The following C15orf39 variants were observed in gnomAD, a reference collection of about 807,000 sequenced individuals.
C15orf39 encodes PRMT2 interacting protein, also known as uncharacterized protein C15orf39.
Under a neutral mutation model 53.9 loss-of-function variants are expected in C15orf39, and 24 were observed. The ratio of observed to expected loss-of-function variants is 0.45; its 90% confidence interval spans 0.32 to 0.63. C15orf39 has a LOEUF of 0.63. Ranked by LOEUF, C15orf39 falls within the 20% of genes least tolerant of loss-of-function variation. The probability of loss-of-function intolerance (pLI) is 0.04; values close to 1 mark genes in which losing one functional copy is unlikely to be tolerated. For missense variants in C15orf39, 1,271 were observed against 1,347.9 expected, an observed-to-expected ratio of 0.94 and a Z score of 0.89; for synonymous variants, 569 against 576.5, an observed-to-expected ratio of 0.99 and a Z score of 0.19.
chr15:75,211,217 G>T lies in C15orf39; in HGVS notation c.*101G>T. On this transcript the variant is annotated 3_prime_UTR_variant, in exon 3 of 3. Coordinates refer to ENST00000394987, the MANE Select transcript of C15orf39 (RefSeq NM_015492.5). ...ACGAGTGGATGCTGGGGCTGTGGCT[G>T]CTCCCCTGGAGGGGTTCCATCTCTG... is the stretch of plus-strand genomic sequence containing the variant. 1 of 1,470,426 alleles carries T rather than the reference G, an allele frequency of 6.8e-7. No individual in the cohort carries two copies. The highest frequency in any genetic ancestry group is 9.0e-7 in the Non-Finnish European group (1 of 1,105,688). 91.1% of individuals were successfully genotyped at this position (1,470,426 alleles called of 1,614,324 possible).
intron 1 of C15orf39, chr15:75,202,309 T>C (rs1221525646): frequency 6.6e-6 from 1 of 152,268 alleles, no homozygotes; most frequent in African/African-American, 2.4e-5. Flanking sequence ...CTGGTAGCGC[T>C]CTGGGTCTCC....
chr15:75,211,222 C>T lies in C15orf39; in HGVS notation c.*106C>T. 2.8e-6 allele frequency: 4 copies of T among 1,445,154 alleles called. No individual in the cohort carries two copies. Among genetic ancestry groups the T allele is most frequent in the Non-Finnish European group, 3.7e-6 (4 of 1,088,196 alleles). The allele number at this position is 1,445,154 out of a possible 1,614,324, so 89.5% of individuals were successfully genotyped here. A position where few individuals can be genotyped will look rare whatever the true frequency, so the allele number is the denominator to read the frequency against. The stretch of plus-strand genomic sequence containing the variant: ...TGGATGCTGGGGCTGTGGCTGCTCC[C>T]CTGGAGGGGTTCCATCTCTGACCCT... On this transcript the variant is annotated 3_prime_UTR_variant, in exon 3 of 3. Coordinates refer to ENST00000394987, the MANE Select transcript of C15orf39 (RefSeq NM_015492.5).
rs2070435389 is a variant in C15orf39 at position 75,206,103 on chromosome 15, C to A, written c.55C>A (p.Pro19Thr). ...TLGPVMYGKL[P>T]RLETDSGLEH... Reference sequence around the variant, plus strand: ...GGGGCCTGTGATGTATGGCAAGCTGCCCCGCTTAGAGACAGACTCCGGGCT... The same window carrying A: ...GGGGCCTGTGATGTATGGCAAGCTGACCCGCTTAGAGACAGACTCCGGGCT... Residue 19 changes from proline (P) to threonine (T), a missense_variant, in exon 2 of 3, where the codon CCC becomes ACC. This residue lies in a region of C15orf39 where 994 missense variants were observed against 993.7 expected (regional missense o/e 1.00). Transcript: ENST00000394987. 1 of 1,613,396 alleles carries A rather than the reference C, an allele frequency of 6.2e-7. No homozygotes were observed. Among genetic ancestry groups the A allele is most frequent in the African/African-American group, 1.3e-5 (1 of 74,978 alleles).
chr15:75,204,634 C>T (rs756119337), intron 1 of C15orf39, among the ~76,000 whole-genome samples: 1 of 152,164 alleles, frequency 6.6e-6, no homozygotes, highest in African/African-American at 2.4e-5. Flanking sequence ...CAGCCTTCAG[C>T]GTAGCTGGGA....
In C15orf39 at chr15:75,208,245, C is replaced by A. The variant is rs751179222; in HGVS notation, c.2197C>A (p.Gln733Lys). Residue 733 changes from glutamine (Q) to lysine (K), a missense_variant, in exon 2 of 3, where the codon CAG (glutamine) becomes AAG (lysine). Around this residue, in one of 2 missense-constraint regions of C15orf39, gnomAD observed 994 missense variants for 993.7 expected, o/e 1.00. Coordinates refer to ENST00000394987, the MANE Select transcript of C15orf39 (RefSeq NM_015492.5). ...TCCATCCCCTGCTCCGGCTCGAGCT[C>A]AGGCTCCAGCTTCAGCCCGGGATCC... Reference protein sequence around the residue: ...PAPSPAPARAQAPASARDPAP... With the variant: ...PAPSPAPARAKAPASARDPAP... 31 of 1,606,446 alleles carry A rather than the reference C, an allele frequency of 1.9e-5. No individual in the cohort carries two copies. Among genetic ancestry groups the A allele is most frequent in the Admixed American group, 3.4e-5 (2 of 58,456 alleles).
At chr15:75,201,858 C>T (rs1390212826), upstream of C15orf39, 1 of 151,854 alleles carries the variant, frequency 6.6e-6, no homozygotes, top group East Asian at 1.9e-4. This position sits in a 1 kb window ranked among gnomAD's most constrained non-coding sequence, Gnocchi z 4.7. Flanking sequence ...CGCCCCGCCC[C>T]CAGCCCGCCC....
Position 75,207,977 on chromosome 15 carries a change from C to T in C15orf39, c.1929C>T (p.Phe643=). The T allele has an allele frequency of 6.2e-7, 1 of 1,613,990 alleles. No individual in the cohort carries two copies. The highest frequency in any genetic ancestry group is 8.5e-7 in the Non-Finnish European group (1 of 1,180,038). The change falls in exon 2 of 3, where the codon TTC becomes TTT. Residue 643 remains phenylalanine, a synonymous_variant. Coordinates refer to ENST00000394987, the MANE Select transcript of C15orf39 (RefSeq NM_015492.5). ...CAGATGCCATGCCAAGGACCAACTT[C>T]CACAGCTCTGTGGCCTTCATGTTCC... The part of the protein sequence containing the change: ...VTTDAMPRTN[F]HSSVAFMFRK...
intron 1 of C15orf39, among the ~76,000 whole-genome samples, chr15:75,205,000 G>A (rs1430070444): frequency 6.6e-6 from 1 of 152,148 alleles, no homozygotes. Flanking sequence ...GGAGTGGGGC[G>A]AGAGGGGTGT....
rs2070461070 is a variant in C15orf39, at chr15:75,208,686, G to A, written c.2638G>A (p.Glu880Lys). Reference protein sequence around the residue: ...RVELRPTTLSEERALRELALP... With the variant: ...RVELRPTTLSKERALRELALP... ...GGAGCTGCGGCCCACCACGCTGTCG[G>A]AGGAGCGGGCACTGCGGGAGCTCGC... Residue 880 changes from glutamate to lysine, a missense_variant, in exon 2 of 3, where the codon GAG becomes AAG. Physicochemically the swap from Glu to Lys is moderately conservative, Grantham distance 56. Coordinates refer to ENST00000394987, the MANE Select transcript of C15orf39 (RefSeq NM_015492.5). 1 of 1,607,842 alleles carries A rather than the reference G, an allele frequency of 6.2e-7. No individual in the cohort carries two copies. The highest frequency in any genetic ancestry group is 8.5e-7 in the Non-Finnish European group (1 of 1,179,298).
Position 75,201,918 on chromosome 15 carries a change from A to T in C15orf39, c.-192A>T, listed in dbSNP as rs1045291811. 6.6e-6 allele frequency: 1 copy of T among 151,288 alleles called. No homozygotes were observed. Among genetic ancestry groups the T allele is most frequent in the South Asian group, 2.1e-4 (1 of 4,800 alleles). The allele number at this position is 151,288 out of a possible 1,614,324, so 9.4% of individuals were successfully genotyped here. A position where few individuals can be genotyped will look rare whatever the true frequency, so the allele number is the denominator to read the frequency against. On this transcript the variant is annotated 5_prime_UTR_variant, in exon 1 of 3. Transcript: ENST00000394987. The surrounding 1 kb of genome is among the most constrained non-coding windows in gnomAD (Gnocchi z 4.7). ...AGCGGCGGCGCGAACGGCAGCTAGG[A>T]GGGTTGCTCCGGGCTTGGTGCTCAC...
chr15:75,203,746 G>A (rs983620535), intron 1 of C15orf39, among the ~76,000 whole-genome samples: 1 of 152,170 alleles, frequency 6.6e-6, no homozygotes, highest in African/African-American at 2.4e-5. Context: ...AGCATGTGGG[G>A]GAGGTGAGAC....
In C15orf39 at chr15:75,208,491, C is replaced by T. The variant is rs746161036; in HGVS notation, c.2443C>T (p.Leu815=). 1.9e-6 allele frequency: 3 copies of T among 1,593,882 alleles called. No individual in the cohort carries two copies. The African/African-American group carries it at 4.0e-5, about 21-fold the overall frequency. ...WQDCQGVQGL[L]AKLLSQLQRF... is the part of the protein sequence containing the mutation. Reference sequence around the variant, plus strand: ...GGACTGCCAGGGTGTGCAGGGGCTGCTGGCCAAGCTGCTGTCTCAGCTGCA... The same window carrying T: ...GGACTGCCAGGGTGTGCAGGGGCTGTTGGCCAAGCTGCTGTCTCAGCTGCA... Residue 815 remains leucine, a synonymous_variant, in exon 2 of 3, where the codon CTG becomes TTG. Transcript: ENST00000394987.
At chr15:75,201,871 C>G, upstream of C15orf39, 1 of 151,968 alleles carries the variant, frequency 6.6e-6, no homozygotes, top group Non-Finnish European at 1.5e-5. This position sits in a 1 kb window ranked among gnomAD's most constrained non-coding sequence, Gnocchi z 4.7. Flanking sequence ...GCCCGCCCCG[C>G]CCGGGACCGC....
chr15:75,207,626 G>T lies in C15orf39; in HGVS notation c.1578G>T (p.Glu526Asp). 6.2e-7 allele frequency: 1 copy of T among 1,612,358 alleles called. No individual in the cohort carries two copies. The highest frequency in any genetic ancestry group is 1.1e-5 in the South Asian group (1 of 91,050). Residue 526 changes from glutamate (E) to aspartate (D), a missense_variant, in exon 2 of 3, where the codon GAG (glutamate) becomes GAT (aspartate). Transcript: ENST00000394987. ...LDVPAPEATT[E>D]PDSATAEPDS... ...TGCCGGCACCCGAGGCCACAACTGAGCCTGACTCTGCCACAGCTGAGCCTG... is the reference window on the plus strand; with the variant it reads ...TGCCGGCACCCGAGGCCACAACTGATCCTGACTCTGCCACAGCTGAGCCTG...
At chr15:75,204,319 G>A (rs1441529138) in intron 1 of C15orf39, among the ~76,000 whole-genome samples, 2 of 152,212 alleles carry the variant, frequency 1.3e-5, no homozygotes, top group Non-Finnish European at 2.9e-5. Context: ...GTTACTGGGT[G>A]CCTGCTGCCC....
Position 75,206,553 on chromosome 15 carries a change from T to C in C15orf39, c.505T>C (p.Ser169Pro). The change falls in exon 2 of 3, where the codon TCA (serine) becomes CCA (proline). Residue 169 changes from serine to proline, a missense_variant. Around this residue, in one of 2 missense-constraint regions of C15orf39, gnomAD observed 994 missense variants for 993.7 expected, o/e 1.00. Transcript: ENST00000394987. ...WTLATGPLLP[S>P]ADPPCSLAPA... ...TCTGGCGACTGGGCCCCTGTTGCCC[T>C]CAGCTGACCCACCCTGCTCTCTGGC... 6.2e-7 allele frequency: 1 copy of C among 1,613,842 alleles called. No individual in the cohort carries two copies. Among genetic ancestry groups the C allele is most frequent in the Non-Finnish European group, 8.5e-7 (1 of 1,179,892 alleles).
rs1182339012 is a variant in C15orf39, at chr15:75,208,258, C to T, written c.2210C>T (p.Ser737Leu). The T allele has an allele frequency of 1.3e-6, 2 of 1,597,858 alleles. No individual in the cohort carries two copies. Among genetic ancestry groups the T allele is most frequent in the East Asian group, 2.3e-5 (1 of 44,072 alleles). The change falls in exon 2 of 3, where the codon TCA (serine) becomes TTA (leucine). Residue 737 changes from serine to leucine, a missense_variant. Coordinates refer to ENST00000394987, the MANE Select transcript of C15orf39 (RefSeq NM_015492.5). ...PAPARAQAPA[S>L]ARDPAPAPAP... ...CCGGCTCGAGCTCAGGCTCCAGCTTCAGCCCGGGATCCAGCTCCAGCTCCA... is the reference window on the plus strand; with the variant it reads ...CCGGCTCGAGCTCAGGCTCCAGCTTTAGCCCGGGATCCAGCTCCAGCTCCA...
At chr15:75,204,190 T>C (rs2070422677) in intron 1 of C15orf39, among the ~76,000 whole-genome samples, 1 of 152,200 alleles carries the variant, frequency 6.6e-6, no homozygotes, top group South Asian at 2.1e-4. Flanking sequence ...CATAGCAAGA[T>C]TGAGCTAGGT....
chr15:75,205,340 G>T (rs1453933489), intron 1 of C15orf39, among the ~76,000 whole-genome samples: 1 of 152,166 alleles, frequency 6.6e-6, no homozygotes, highest in African/African-American at 2.4e-5. Flanking sequence ...TATATGAGGG[G>T]GTGGCGGCAG....
Sources: allele counts gnomAD v4.1 joint callset (sites outside exome capture counted in the v4.1 genomes callset), GRCh38; gene constraint gnomAD v4.1.1; regional missense constraint gnomAD v4.1.1; non-coding constraint Gnocchi (gnomAD v3.1); transcripts MANE v1.5; gene names NCBI Gene and HGNC (gene_info 2026-07-23, HGNC 2026-07-21).